Variants in SCYL3 observed in about 807,000 individuals in gnomAD.
SCYL3 encodes protein-associating with the carboxyl-terminal domain of ezrin.
A neutral mutation model predicts 73.8 loss-of-function variants in SCYL3; 35 were observed. The ratio of observed to expected loss-of-function variants is 0.47; its 90% CI spans 0.36 to 0.63. SCYL3 has a LOEUF of 0.63. Among genes scored for constraint, SCYL3 ranks in the 20% least tolerant of loss-of-function variants. SCYL3 has a pLI of 0.00. For synonymous variants in SCYL3, 277 were observed against 295.2 expected (o/e 0.94, Z 0.63); for missense variants, 712 against 798.9 (o/e 0.89, Z 1.31).
chr1:169,859,257 T>C (rs373826744), intron 10 of SCYL3, 45 bp from the exon 11 acceptor site: 2 of 1,549,298 alleles, frequency 1.3e-6, no homozygotes, highest in Non-Finnish European at 1.8e-6. Flanking sequence ...ACAATACCTA[T>C]CTCTTTCTTC....
At chr1:169,857,812 C>T (rs765929890) in intron 11 of SCYL3, among the ~76,000 whole-genome samples, 6 of 152,146 alleles carry the variant, frequency 3.9e-5, no homozygotes, top group Non-Finnish European at 8.8e-5. Context: ...CTTGTATAAA[C>T]ATAGATGGTA....
intron 2 of SCYL3, among the ~76,000 whole-genome samples, chr1:169,884,848 T>G (rs1325336110): frequency 3.3e-5 from 5 of 152,208 alleles, no homozygotes; most frequent in African/African-American, 7.2e-5. Flanking sequence ...AGAACCTTAT[T>G]TCTCACTCTC....
At chr1:169,863,952 G>T (rs941119954) in intron 9 of SCYL3, among the ~76,000 whole-genome samples, 1 of 151,962 alleles carries the variant, frequency 6.6e-6, no homozygotes, top group African/African-American at 2.4e-5. Context: ...TTTCACATTC[G>T]TAAAAAAAAC....
intron 8 of SCYL3, 73 bp from the exon 9 acceptor site, chr1:169,864,581 C>A (rs1224341696): frequency 3.4e-5 from 47 of 1,375,660 alleles, no homozygotes; most frequent in Admixed American, 1.5e-4. Context: ...GTTTAGCCTA[C>A]ACACATCCTC....
At chr1:169,882,763 G>A (rs1661382798) in intron 2 of SCYL3, among the ~76,000 whole-genome samples, 3 of 152,156 alleles carry the variant, frequency 2.0e-5, no homozygotes, top group Admixed American at 2.0e-4. Context: ...GAGAACCTTT[G>A]TGTCCACACT....
At chr1:169,855,538 G>A (rs1242772702) in intron 11 of SCYL3, among the ~76,000 whole-genome samples, 1 of 152,152 alleles carries the variant, frequency 6.6e-6, no homozygotes, top group African/African-American at 2.4e-5. Context: ...GGAAGATGCT[G>A]CACTAAGGCA....
chr1:169,860,974 T>C (rs11585093), intron 10 of SCYL3, among the ~76,000 whole-genome samples: 15,977 of 152,276 alleles, frequency 0.1, 1,014 homozygotes, highest in Admixed American at 0.18. Flanking sequence ...TTTCATTGTC[T>C]TCCACATGCT....
chr1:169,850,071 A>G lies in SCYL3; in HGVS notation c.*3642T>C, dbSNP rs1657913042. On this transcript the variant is annotated 3_prime_UTR_variant, in exon 13 of 13. Coordinates refer to ENST00000367771, the MANE Select transcript of SCYL3 (RefSeq NM_020423.7). The stretch of plus-strand genomic sequence containing the variant: ...CCCAGCAGAAGTAATTAAAGCTTAC[A>G]ACACTTGTACAGAAGTTAATTTTGT... 1.7e-6 allele frequency: 1 copy of G among 575,974 alleles called. No individual in the cohort carries two copies. The highest frequency in any genetic ancestry group is 3.1e-6 in the Non-Finnish European group (1 of 324,040). The allele number at this position is 575,974 out of a possible 1,614,324, so 35.7% of individuals were successfully genotyped here.
intron 2 of SCYL3, among the ~76,000 whole-genome samples, chr1:169,880,359 T>C (rs1281766466): frequency 6.6e-6 from 1 of 152,038 alleles, no homozygotes; most frequent in East Asian, 1.9e-4. Flanking sequence ...CTTAAACATA[T>C]TACCATCAAA....
chr1:169,865,913 G>A lies in SCYL3; in HGVS notation c.815+983C>T, dbSNP rs1025296430. Reference sequence around the variant, plus strand: ...TTCCCACCAGCCCCCTTATAAGGTCGGGTGCCCCAGGATTACAATTTGGGC... The same window carrying A: ...TTCCCACCAGCCCCCTTATAAGGTCAGGTGCCCCAGGATTACAATTTGGGC... On this transcript the variant is annotated intron_variant, in intron 8 of 12. Coordinates refer to ENST00000367771, the MANE Select transcript of SCYL3 (RefSeq NM_020423.7). 8.5e-5 allele frequency among the ~76,000 whole-genome samples: 13 copies of A among 152,106 alleles called. No homozygotes were observed. The South Asian group carries it at 2.1e-3, about 24-fold the overall frequency.
chr1:169,851,985 C>G lies in SCYL3; in HGVS notation c.*1728G>C, dbSNP rs1482329312. On this transcript the variant is annotated 3_prime_UTR_variant, in exon 13 of 13. Coordinates refer to ENST00000367771, the MANE Select transcript of SCYL3 (RefSeq NM_020423.7). ...CCAAACTTTAACAAGGCAAATTCTGCCCTTTTTACTTACTGACGAAACAAA... is the reference window on the plus strand; with the variant it reads ...CCAAACTTTAACAAGGCAAATTCTGGCCTTTTTACTTACTGACGAAACAAA... The G allele has an allele frequency of 6.2e-7, 1 of 1,612,960 alleles. No homozygotes were observed. The highest frequency in any genetic ancestry group is 1.1e-5 in the South Asian group (1 of 90,976).
Position 169,853,781 on chromosome 1 carries a change from A to AAAT in SCYL3, c.2008-12_2008-10dup. The AAAT allele has an allele frequency of 6.2e-7, 1 of 1,613,878 alleles. No individual in the cohort carries two copies. The highest frequency in any genetic ancestry group is 8.5e-7 in the Non-Finnish European group (1 of 1,179,888). The stretch of plus-strand genomic sequence containing the variant: ...CAGCCTTCAGCCTCTCCCTGCAACA[A>AAAT]AATAAAGCACACCAAGAACCCACTG... On this transcript the variant is annotated splice_polypyrimidine_tract_variant and intron_variant, in intron 12 of 12. Transcript: ENST00000367771.
Position 169,878,654 on chromosome 1 carries a change from G to A in SCYL3, c.331C>T (p.Leu111Phe). The change falls in exon 3 of 13, where the codon CTT (leucine) becomes TTT (phenylalanine). Residue 111 changes from leucine to phenylalanine, a missense_variant. Coordinates refer to ENST00000367771, the MANE Select transcript of SCYL3 (RefSeq NM_020423.7). ...CTTACTCTGTCATGAAGGAAGATAA[G>A]AGCCAGCAATATGTCATAGATCCCA... ...CAGIYDILLA[L>F]IFLHDRGHLT... 6.2e-7 allele frequency: 1 copy of A among 1,612,730 alleles called. No individual in the cohort carries two copies. Among genetic ancestry groups the A allele is most frequent in the Non-Finnish European group, 8.5e-7 (1 of 1,179,526 alleles).
At position 169,859,136 on chromosome 1, in the gene SCYL3, A is replaced by C; in HGVS notation, c.1217T>G (p.Leu406Arg). The C allele has an allele frequency of 6.2e-7, 1 of 1,614,090 alleles. No homozygotes were observed. The highest frequency in any genetic ancestry group is 8.5e-7 in the Non-Finnish European group (1 of 1,179,990). The change falls in exon 11 of 13, where the codon CTG (leucine) becomes CGG (arginine). Residue 406 changes from leucine (L) to arginine (R), a missense_variant. Coordinates refer to ENST00000367771, the MANE Select transcript of SCYL3 (RefSeq NM_020423.7). Reference sequence around the variant, plus strand: ...TCCCACAACCACCTCTGGTCCAAGCAGAGAGACCAGCACTGCTAGGCTATG... The same window carrying C: ...TCCCACAACCACCTCTGGTCCAAGCCGAGAGACCAGCACTGCTAGGCTATG... Reference protein sequence around the residue: ...TLHSLAVLVSLLGPEVVVGGE... With the variant: ...TLHSLAVLVSRLGPEVVVGGE...
In SCYL3 at chr1:169,866,926, T is replaced by G. The variant is rs1660071796; in HGVS notation, c.785A>C (p.Lys262Thr). ...VVNFLKSLTL[K>T]SEEEKTEFFK... Reference sequence around the variant, plus strand: ...GAATTCCGTTTTCTCCTCTTCACTCTTCAATGTTAAACTTTTCAAGAAATT... The same window carrying G: ...GAATTCCGTTTTCTCCTCTTCACTCGTCAATGTTAAACTTTTCAAGAAATT... Residue 262 changes from lysine (K) to threonine (T), a missense_variant, in exon 8 of 13, where the codon AAG (lysine) becomes ACG (threonine). By Grantham distance (78) the Lys-to-Thr change is moderately conservative. Transcript: ENST00000367771. 1 of 1,584,734 alleles carries G rather than the reference T, an allele frequency of 6.3e-7. No individual in the cohort carries two copies. The highest frequency in any genetic ancestry group is 8.6e-7 in the Non-Finnish European group (1 of 1,163,252).
At chr1:169,855,922 G>T (rs774580913) in intron 11 of SCYL3, 1 of 1,613,836 alleles carries the variant, frequency 6.2e-7, no homozygotes, top group South Asian at 1.1e-5. Context: ...GGCGAGATCT[G>T]ACTGTGATGG....
chr1:169,878,295 C>A (rs777960183), intron 3 of SCYL3, among the ~76,000 whole-genome samples: 1 of 152,346 alleles, frequency 6.6e-6, no homozygotes, highest in Middle Eastern at 3.4e-3. Context: ...TATGGCAGCA[C>A]TGACATTACA....
At position 169,854,292 on chromosome 1, in the gene SCYL3, A is replaced by G; in HGVS notation, c.1985T>C (p.Phe662Ser). 6.2e-7 allele frequency: 1 copy of G among 1,606,282 alleles called. No homozygotes were observed. Among genetic ancestry groups the G allele is most frequent in the Non-Finnish European group, 8.5e-7 (1 of 1,177,316 alleles). Residue 662 changes from phenylalanine (F) to serine (S), a missense_variant, in exon 12 of 13, where the codon TTT (phenylalanine) becomes TCT (serine). Transcript: ENST00000367771. The stretch of plus-strand genomic sequence containing the variant: ...CACCTCAGTAATTTCTGCTGCAGCA[A>G]ATTTTGAGGAAAACTGCATCACTGG... ...VSPVMQFSSK[F>S]AAAEITEGEA... is the part of the protein sequence containing the mutation.
chr1:169,887,007 T>G (rs1661730413), intron 2 of SCYL3, among the ~76,000 whole-genome samples: 1 of 152,178 alleles, frequency 6.6e-6, no homozygotes, highest in Non-Finnish European at 1.5e-5. Flanking sequence ...GTTTTAGTAT[T>G]TCAGATACCT....
Sources: gnomAD v4.1 joint callset for allele counts (sites outside exome capture counted in the v4.1 genomes callset) on GRCh38, gnomAD v4.1.1 for gene constraint, MANE v1.5 for transcripts, NCBI Gene and HGNC (gene_info 2026-07-23, HGNC 2026-07-21) for gene names.